Variants in ZMAT4 observed in about 807,000 individuals in gnomAD.
ZMAT4 encodes the protein zinc finger matrin-type protein 4.
Under a neutral mutation model 28.7 loss-of-function variants are expected in ZMAT4, and 17 were observed. The ratio of observed to expected loss-of-function variants is 0.59; its 90% confidence interval spans 0.41 to 0.89. ZMAT4 has a LOEUF of 0.89. ZMAT4 is among the 40% of genes least tolerant of loss of function. The pLI is 0.00. For missense variants in ZMAT4, 240 were observed against 283.8 expected (o/e 0.85, Z 1.11); for synonymous variants, 117 against 109.2 (o/e 1.07, Z -0.44).
At chr8:40,831,251 C>T (rs940467259) in intron 1 of ZMAT4, among the ~76,000 whole-genome samples, 4 of 152,160 alleles carry the variant, frequency 2.6e-5, no homozygotes, top group Admixed American at 1.3e-4. Context: ...GTGAAGACCC[C>T]GTACTGCATA....
intron 2 of ZMAT4, among the ~76,000 whole-genome samples, chr8:40,811,235 G>A (rs1371739990): frequency 6.6e-6 from 1 of 152,164 alleles, no homozygotes; most frequent in Non-Finnish European, 1.5e-5. Context: ...GGTAAAGTGT[G>A]TTTTACTGGA....
chr8:40,876,129 T>C (rs1473540585), intron 1 of ZMAT4, among the ~76,000 whole-genome samples: 1 of 152,146 alleles, frequency 6.6e-6, no homozygotes, highest in Non-Finnish European at 1.5e-5. Flanking sequence ...AGTTGACCTT[T>C]GAACAGGTTT....
In ZMAT4 at chr8:40,856,053, G is replaced by A. The variant is rs556869895; in HGVS notation, c.-4-30373C>T. Among the ~76,000 whole-genome samples, 50 of 152,100 alleles carry A rather than the reference G, an allele frequency of 3.3e-4. 1 individual carries two copies. In the South Asian group the frequency reaches 9.5e-3, roughly 29 times the overall value. On this transcript the variant is annotated intron_variant, in intron 1 of 6. Coordinates refer to ENST00000297737, the MANE Select transcript of ZMAT4 (RefSeq NM_024645.3). ...ATCCCTGCCACAAGACCCTCCCCCC[G>A]GTAGGGAATAGTACATGGGCCCCAG... is the stretch of plus-strand genomic sequence containing the variant.
At chr8:40,628,846 A>C (rs1348129077) in intron 5 of ZMAT4, among the ~76,000 whole-genome samples, 1 of 152,206 alleles carries the variant, frequency 6.6e-6, no homozygotes. Context: ...GAAAAATGCC[A>C]ACATAGATCT....
chr8:40,848,649 T>C (rs1218762332), intron 1 of ZMAT4, among the ~76,000 whole-genome samples: 1 of 151,998 alleles, frequency 6.6e-6, no homozygotes, highest in Admixed American at 6.6e-5. Flanking sequence ...ACAGGGATAA[T>C]AATAACCACA....
chr8:40,579,295 T>C (rs895141844), intron 6 of ZMAT4, among the ~76,000 whole-genome samples: 1 of 152,206 alleles, frequency 6.6e-6, no homozygotes, highest in Admixed American at 6.5e-5. Context: ...CAAAAAGTTA[T>C]CTTTTATTGT....
intron 5 of ZMAT4, among the ~76,000 whole-genome samples, chr8:40,626,651 A>G (rs1007739450): frequency 6.6e-6 from 1 of 152,164 alleles, no homozygotes; most frequent in Non-Finnish European, 1.5e-5. Flanking sequence ...TGTAGCCATA[A>G]CATTGAGAAA....
chr8:40,673,949 G>A (rs953985931), intron 5 of ZMAT4, among the ~76,000 whole-genome samples: 3 of 152,062 alleles, frequency 2.0e-5, no homozygotes, highest in South Asian at 2.1e-4. Context: ...GTGATTTCCC[G>A]GAGATTTTAT....
intron 3 of ZMAT4, among the ~76,000 whole-genome samples, chr8:40,728,866 C>G (rs1811415460): frequency 6.6e-6 from 1 of 152,172 alleles, no homozygotes; most frequent in South Asian, 2.1e-4. Context: ...TCCCCGCAGG[C>G]AACCACTTCC....
At chr8:40,664,158 T>C (rs1485304620) in intron 5 of ZMAT4, among the ~76,000 whole-genome samples, 1 of 152,120 alleles carries the variant, frequency 6.6e-6, no homozygotes, top group Non-Finnish European at 1.5e-5. Flanking sequence ...ATAGAATGTG[T>C]GGAAGTGGTG....
intron 2 of ZMAT4, among the ~76,000 whole-genome samples, chr8:40,813,042 A>G (rs1026401766): frequency 3.4e-4 from 51 of 151,656 alleles, no homozygotes; most frequent in African/African-American, 1.2e-3. Context: ...ATACTGGTTC[A>G]TTAGCTGTGA....
chr8:40,765,367 C>T (rs1006051963), intron 3 of ZMAT4, among the ~76,000 whole-genome samples: 129 of 152,120 alleles, frequency 8.5e-4, no homozygotes, highest in African/African-American at 2.9e-3. Flanking sequence ...AAATGCATAG[C>T]GGAAAGTATA....
rs1333667192 is a variant in ZMAT4, at chr8:40,532,039, A to G, written c.*184T>C. 22 of 454,368 alleles carry G rather than the reference A, an allele frequency of 4.8e-5. No homozygotes were observed. Among genetic ancestry groups the G allele is most frequent in the Non-Finnish European group, 7.7e-5 (21 of 272,534 alleles). 28.1% of individuals were successfully genotyped at this position (454,368 alleles called of 1,614,324 possible). A position where few individuals can be genotyped will look rare whatever the true frequency, so the allele number is the denominator to read the frequency against. ...TCATAACTTACCCCAAAATTAAAAA[A>G]AGGAAAAAGAAAAAAGAAACCTCAT... On this transcript the variant is annotated 3_prime_UTR_variant, in exon 7 of 7. Transcript: ENST00000297737.
intron 1 of ZMAT4, among the ~76,000 whole-genome samples, chr8:40,848,740 C>T (rs950852780): frequency 3.3e-5 from 5 of 152,048 alleles, no homozygotes; most frequent in Admixed American, 6.5e-5. Flanking sequence ...AATAAATGGT[C>T]GCTACTATTA....
In ZMAT4 at chr8:40,748,975, TTGTGGAAGCGCATAAGTCTCA is replaced by T. The variant is rs145924323; in HGVS notation, c.192+18645_192+18665del. On this transcript the variant is annotated intron_variant, in intron 3 of 6. Transcript: ENST00000297737. ...GGAGGCTGTTTCCCCAGTGCTGTTC[TTGTGGAAGCGCATAAGTCTCA>T]TGAGATCTGATGCTTTTATAAGGGG... 5.3e-4 allele frequency among the ~76,000 whole-genome samples: 81 copies of T among 152,288 alleles called. No individual in the cohort carries two copies. In the East Asian group the frequency reaches 0.016, roughly 30 times the overall value.
intron 5 of ZMAT4, among the ~76,000 whole-genome samples, chr8:40,610,384 A>G (rs1202858169): frequency 6.6e-6 from 1 of 152,238 alleles, no homozygotes; most frequent in Non-Finnish European, 1.5e-5. Flanking sequence ...ACAATATTAC[A>G]AAGCAAATAT....
chr8:40,539,648 T>C (rs1002899924), intron 6 of ZMAT4, among the ~76,000 whole-genome samples: 2 of 152,298 alleles, frequency 1.3e-5, no homozygotes, highest in African/African-American at 2.4e-5. Flanking sequence ...GATTAAATGA[T>C]ATAATGTAGA....
intron 2 of ZMAT4, among the ~76,000 whole-genome samples, chr8:40,803,413 A>T (rs769884811): frequency 6.6e-6 from 1 of 152,198 alleles, no homozygotes; most frequent in South Asian, 2.1e-4. Context: ...ACACAACCCC[A>T]CTAAAAAATG....
At chr8:40,752,410 C>T (rs1458695632) in intron 3 of ZMAT4, among the ~76,000 whole-genome samples, 1 of 152,190 alleles carries the variant, frequency 6.6e-6, no homozygotes, top group Non-Finnish European at 1.5e-5. Flanking sequence ...TCCCTTCTAC[C>T]AGGCTGCCCA....
Sources: gnomAD v4.1 joint callset for allele counts (sites outside exome capture counted in the v4.1 genomes callset) on GRCh38, gnomAD v4.1.1 for gene constraint, MANE v1.5 for transcripts, NCBI Gene and HGNC (gene_info 2026-07-23, HGNC 2026-07-21) for gene names.